Variants in ADGRB3 observed in about 807,000 individuals in gnomAD.
ADGRB3 encodes adhesion G protein-coupled receptor B3.
A neutral mutation model predicts 193.4 loss-of-function variants in ADGRB3; 37 were observed. The ratio of observed to expected loss-of-function variants is 0.19; its 90% CI spans 0.15 to 0.25. ADGRB3 has a LOEUF of 0.25. Among genes scored for constraint, ADGRB3 ranks in the 10% least tolerant of loss-of-function variants. ADGRB3 has a pLI of 1.00. For synonymous variants in ADGRB3, 690 were observed against 644.2 expected (o/e 1.07, Z -1.08); for missense variants, 1,637 against 1,852.9 (o/e 0.88, Z 2.14).
intron 26 of ADGRB3, among the ~76,000 whole-genome samples, chr6:69,346,825 C>T (rs1271705420): frequency 1.3e-5 from 2 of 152,162 alleles, no homozygotes; most frequent in Non-Finnish European, 2.9e-5. Flanking sequence ...ACCAGAAATA[C>T]CATTTGACCC....
At chr6:69,351,095 C>CT (rs10649928) in intron 26 of ADGRB3, among the ~76,000 whole-genome samples, 15,763 of 139,160 alleles carry the variant, frequency 0.11, 1,491 homozygotes, top group East Asian at 0.55. Flanking sequence ...TCCCTAGATA[C>CT]TTTTTTTTTT....
At chr6:69,037,896 C>A (rs948045301) in intron 13 of ADGRB3, among the ~76,000 whole-genome samples, 1 of 152,164 alleles carries the variant, frequency 6.6e-6, no homozygotes, top group African/African-American at 2.4e-5. Context: ...CCATCATTGT[C>A]TTTCATTTAT....
intron 17 of ADGRB3, among the ~76,000 whole-genome samples, chr6:69,083,739 C>G (rs1772463776): frequency 6.6e-6 from 1 of 151,398 alleles, no homozygotes; most frequent in African/African-American, 2.4e-5. Flanking sequence ...GGATCCATCT[C>G]CAGCTTTCAT....
At chr6:68,906,957 C>G (rs1174637278) in intron 3 of ADGRB3, among the ~76,000 whole-genome samples, 1 of 151,858 alleles carries the variant, frequency 6.6e-6, no homozygotes, top group East Asian at 1.9e-4. Flanking sequence ...TCACTATTTT[C>G]CTTTTTATCC....
At chr6:69,329,238 A>T (rs1467485196) in intron 22 of ADGRB3, among the ~76,000 whole-genome samples, 1 of 152,292 alleles carries the variant, frequency 6.6e-6, no homozygotes, top group East Asian at 1.9e-4. Flanking sequence ...ACACAATCTA[A>T]AGTGTTCTGT....
Position 68,702,208 on chromosome 6 carries a change from A to AAG in ADGRB3, c.757+62797_757+62798dup, listed in dbSNP as rs140234329. On this transcript the variant is annotated intron_variant, in intron 3 of 31. Coordinates refer to ENST00000370598, the MANE Select transcript of ADGRB3 (RefSeq NM_001704.3). Reference sequence around the variant, plus strand: ...TCACATGGCAAGAACAGGAGCGAGAAAGAGAGAGAGAGAGAGAGAGAGGAG... The same window carrying AAG: ...TCACATGGCAAGAACAGGAGCGAGAAAGAGAGAGAGAGAGAGAGAGAGAGGAG... 2.7e-3 allele frequency among the ~76,000 whole-genome samples: 396 copies of AAG among 148,786 alleles called. 1 individual carries two copies. The highest frequency in any genetic ancestry group is 0.011 in the South Asian group (54 of 4,700).
At chr6:68,792,072 T>A (rs187118221) in intron 3 of ADGRB3, among the ~76,000 whole-genome samples, 1 of 152,308 alleles carries the variant, frequency 6.6e-6, no homozygotes, top group Admixed American at 6.5e-5. Flanking sequence ...TTCCTCTTTT[T>A]ACCATCTCTA....
intron 3 of ADGRB3, among the ~76,000 whole-genome samples, chr6:68,811,681 G>A (rs1432548152): frequency 6.6e-6 from 1 of 151,982 alleles, no homozygotes; most frequent in Admixed American, 6.6e-5. Flanking sequence ...TGTTGGCCAG[G>A]CTGGTCTCAA....
At chr6:69,065,642 TGAAGA>T (rs1227580646) in intron 16 of ADGRB3, among the ~76,000 whole-genome samples, 2 of 151,986 alleles carry the variant, frequency 1.3e-5, no homozygotes, top group Non-Finnish European at 2.9e-5. Context: ...TTATTTCCAT[TGAAGA>T]GAAGACAAAA....
At position 68,930,580 on chromosome 6, in the gene ADGRB3, A is replaced by G; in HGVS notation, c.779A>G (p.His260Arg). 1 of 1,611,904 alleles carries G rather than the reference A, an allele frequency of 6.2e-7. No homozygotes were observed. Among genetic ancestry groups the G allele is most frequent in the South Asian group, 1.1e-5 (1 of 90,860 alleles). ...PKEEFGMMGD[H>R]TIKSQRPRSV... is the part of the protein sequence containing the mutation. ...TTAGAATTTGGAATGATGGGAGATC[A>G]TACAATTAAAAGTCAGCGACCTCGA... The change falls in exon 4 of 32, where the codon CAT (histidine) becomes CGT (arginine). Residue 260 changes from histidine to arginine, a missense_variant. Physicochemically the swap from His to Arg is conservative, Grantham distance 29. This residue lies in a region of ADGRB3 where 365 missense variants were observed against 409.8 expected (regional missense o/e 0.89). Transcript: ENST00000370598.
intron 3 of ADGRB3, among the ~76,000 whole-genome samples, chr6:68,754,863 A>C (rs1324254004): frequency 6.6e-6 from 1 of 152,124 alleles, no homozygotes; most frequent in African/African-American, 2.4e-5. Flanking sequence ...TGGGATGAAA[A>C]AGGAAGCCAT....
chr6:68,669,472 A>G (rs2127293423), intron 3 of ADGRB3, among the ~76,000 whole-genome samples: 1 of 151,916 alleles, frequency 6.6e-6, no homozygotes, highest in Non-Finnish European at 1.5e-5. Context: ...TTTAGATCCC[A>G]CAAATAAGTG....
Position 69,068,718 on chromosome 6 carries a change from C to A in ADGRB3, c.2436+5682C>A, listed in dbSNP as rs142614308. The stretch of plus-strand genomic sequence containing the variant: ...AAATTAGAGAAGCAAGCTGTCATCA[C>A]ATCTATAAAAATAGTGTCATGTGGT... On this transcript the variant is annotated intron_variant, in intron 16 of 31. Coordinates refer to ENST00000370598, the MANE Select transcript of ADGRB3 (RefSeq NM_001704.3). Among the ~76,000 whole-genome samples the A allele has an allele frequency of 2.6e-3, 400 of 152,296 alleles. 4 individuals carry two copies. Among genetic ancestry groups the A allele is most frequent in the Admixed American group, 0.016 (243 of 15,284 alleles).
At chr6:69,289,106 C>T (rs1380865931) in intron 20 of ADGRB3, among the ~76,000 whole-genome samples, 1 of 152,104 alleles carries the variant, frequency 6.6e-6, no homozygotes, top group Non-Finnish European at 1.5e-5. Flanking sequence ...CAGGGGTGAT[C>T]TCCTGAGAGC....
chr6:68,953,567 T>C (rs1404815702), intron 6 of ADGRB3, among the ~76,000 whole-genome samples: 1 of 152,210 alleles, frequency 6.6e-6, no homozygotes, highest in Non-Finnish European at 1.5e-5. Flanking sequence ...GGGAAATAGA[T>C]AATTTATAAT....
intron 5 of ADGRB3, among the ~76,000 whole-genome samples, chr6:68,939,429 T>G (rs774474199): frequency 4.6e-5 from 7 of 152,186 alleles, no homozygotes; most frequent in Non-Finnish European, 7.3e-5. Flanking sequence ...TTTATATGCA[T>G]GAAGTCTTTT....
chr6:68,687,725 A>G (rs1765008634), intron 3 of ADGRB3, among the ~76,000 whole-genome samples: 1 of 152,310 alleles, frequency 6.6e-6, no homozygotes, highest in South Asian at 2.1e-4. Context: ...TCAGAGGAAA[A>G]AAACAGAAAT....
intron 20 of ADGRB3, among the ~76,000 whole-genome samples, chr6:69,267,115 G>A (rs1384509595): frequency 6.6e-6 from 1 of 152,134 alleles, no homozygotes; most frequent in Non-Finnish European, 1.5e-5. Flanking sequence ...GTCAGGGCGA[G>A]GCTTTTTTTA....
chr6:68,920,255 C>A (rs183220096), intron 3 of ADGRB3, among the ~76,000 whole-genome samples: 127 of 152,200 alleles, frequency 8.3e-4, no homozygotes, highest in African/African-American at 2.9e-3. Flanking sequence ...CGGTGGCTCA[C>A]GCCTGTAATC....
Sources: allele counts gnomAD v4.1 joint callset (sites outside exome capture counted in the v4.1 genomes callset), GRCh38; gene constraint gnomAD v4.1.1; regional missense constraint gnomAD v4.1.1; transcripts MANE v1.5; gene names NCBI Gene and HGNC (gene_info 2026-07-23, HGNC 2026-07-21).